The following HPSE2 variants were observed in gnomAD, a reference collection of about 807,000 sequenced individuals.
HPSE2 encodes heparanase 2 (inactive), also known as inactive heparanase-2.
In HPSE2, 38 loss-of-function variants were observed where a neutral mutation model predicts 60.5. That is an observed-to-expected ratio of 0.63 (90% CI 0.48 to 0.82). The LOEUF is 0.82. Among genes scored for constraint, HPSE2 ranks in the 40% least tolerant of loss-of-function variants. The pLI is 0.00. For synonymous variants in HPSE2, 295 were observed against 293.2 expected, an observed-to-expected ratio of 1.01 and a Z score of -0.06; for missense variants, 713 against 740.4, an observed-to-expected ratio of 0.96 and a Z score of 0.43.
chr10:99,181,448 A>C (rs1160708296), intron 2 of HPSE2, among the ~76,000 whole-genome samples: 1 of 150,920 alleles, frequency 6.6e-6, no homozygotes, highest in African/African-American at 2.4e-5. Context: ...TGTTTATGGC[A>C]CTGTCCACAA....
At chr10:99,026,266 A>C (rs1957375060) in intron 3 of HPSE2, among the ~76,000 whole-genome samples, 2 of 152,178 alleles carry the variant, frequency 1.3e-5, no homozygotes, top group African/African-American at 4.8e-5. Flanking sequence ...TTGACTAAAA[A>C]TAAAGGGATG....
intron 2 of HPSE2, among the ~76,000 whole-genome samples, chr10:99,213,119 T>C (rs1441362122): frequency 6.6e-6 from 1 of 152,088 alleles, no homozygotes; most frequent in Admixed American, 6.6e-5. Flanking sequence ...TCAAAAAAGC[T>C]TCATTATACT....
chr10:98,843,061 A>G (rs1383224577), intron 3 of HPSE2, among the ~76,000 whole-genome samples: 1 of 152,050 alleles, frequency 6.6e-6, no homozygotes, highest in African/African-American at 2.4e-5. Context: ...TTCTAAGTTC[A>G]GGGGTACATA....
chr10:99,244,909 A>T, the HPSE2 span, among the ~76,000 whole-genome samples: 1 of 151,928 alleles, frequency 6.6e-6, no homozygotes, highest in Admixed American at 6.6e-5. Flanking sequence ...TTTTGTCCCC[A>T]CATAAGCAGA....
intron 3 of HPSE2, among the ~76,000 whole-genome samples, chr10:98,939,436 G>GTC (rs1338739855): frequency 1.4e-5 from 2 of 143,180 alleles, no homozygotes. Flanking sequence ...TGCAATCCTA[G>GTC]TCTCTCATAA....
At chr10:98,635,845 A>G (rs1393716897) in intron 7 of HPSE2, among the ~76,000 whole-genome samples, 1 of 152,024 alleles carries the variant, frequency 6.6e-6, no homozygotes, top group Non-Finnish European at 1.5e-5. Flanking sequence ...CTATTGAGCC[A>G]TAAAAAAAGA....
At chr10:99,060,614 G>A (rs529138972) in intron 3 of HPSE2, among the ~76,000 whole-genome samples, 64 of 144,118 alleles carry the variant, frequency 4.4e-4, no homozygotes, top group African/African-American at 1.6e-3. Flanking sequence ...GCTGAGATTG[G>A]GCCATTGCGC....
chr10:98,650,078 T>G (rs1040707764), intron 6 of HPSE2, among the ~76,000 whole-genome samples: 1 of 152,212 alleles, frequency 6.6e-6, no homozygotes, highest in Admixed American at 6.5e-5. Flanking sequence ...GGCAGGGGAA[T>G]GCCAAAACGA....
At chr10:99,054,336 G>C (rs1175820309) in intron 3 of HPSE2, among the ~76,000 whole-genome samples, 1 of 152,158 alleles carries the variant, frequency 6.6e-6, no homozygotes, top group African/African-American at 2.4e-5. Flanking sequence ...TATCAGAACA[G>C]AGCGATCTTG....
At chr10:99,163,201 A>G (rs950246248) in intron 2 of HPSE2, among the ~76,000 whole-genome samples, 7 of 100,466 alleles carry the variant, frequency 7.0e-5, no homozygotes, top group Admixed American at 6.5e-4. Flanking sequence ...ACAGGGCAAG[A>G]CTCCATCTCA....
chr10:98,509,497 CT>C lies in HPSE2; in HGVS notation c.1321-19302del, dbSNP rs562628127. The stretch of plus-strand genomic sequence containing the variant: ...AATGAGCATAAAACAGGATTCATAG[CT>C]TTTTTTTTGCTTTCTTTTTTTGAGA... On this transcript the variant is annotated intron_variant, in intron 9 of 11. Transcript: ENST00000370552. Among the ~76,000 whole-genome samples the C allele has an allele frequency of 3.0e-3, 453 of 150,450 alleles. 2 individuals carry two copies. The highest frequency in any genetic ancestry group is 9.4e-3 in the African/African-American group (385 of 41,074).
intron 3 of HPSE2, among the ~76,000 whole-genome samples, chr10:98,899,002 C>T (rs1441692650): frequency 8.5e-5 from 13 of 152,152 alleles, no homozygotes; most frequent in Admixed American, 8.5e-4. Context: ...GGATAATACA[C>T]CTAAATGCAA....
At chr10:98,931,602 C>T (rs990964024) in intron 3 of HPSE2, among the ~76,000 whole-genome samples, 8 of 143,864 alleles carry the variant, frequency 5.6e-5, no homozygotes, top group East Asian at 2.0e-4. Context: ...TCCAGGAGCA[C>T]GGAATGTTTT....
At chr10:98,852,246 T>G (rs1385073190) in intron 3 of HPSE2, among the ~76,000 whole-genome samples, 1 of 150,684 alleles carries the variant, frequency 6.6e-6, no homozygotes, top group African/African-American at 2.4e-5. Context: ...ACTTTAGGTC[T>G]CAGAAAACAG....
chr10:99,111,788 G>A (rs1036942350), intron 3 of HPSE2, among the ~76,000 whole-genome samples: 1 of 152,166 alleles, frequency 6.6e-6, no homozygotes, highest in African/African-American at 2.4e-5. Flanking sequence ...TTTAGTGTAA[G>A]AGTAGGAAAC....
intron 3 of HPSE2, among the ~76,000 whole-genome samples, chr10:98,881,727 GAGA>G (rs1564630548): frequency 6.6e-6 from 1 of 152,058 alleles, no homozygotes; most frequent in Non-Finnish European, 1.5e-5. Context: ...AATCAAAATG[GAGA>G]AGAACCCGAA....
intron 11 of HPSE2, among the ~76,000 whole-genome samples, chr10:98,461,085 T>G (rs752278196): frequency 3.9e-5 from 6 of 152,370 alleles, no homozygotes; most frequent in Middle Eastern, 3.4e-3. Context: ...GAGAATAGAA[T>G]GTTATAAATT....
chr10:98,750,646 G>T (rs777884643), intron 3 of HPSE2, among the ~76,000 whole-genome samples: 1 of 152,038 alleles, frequency 6.6e-6, no homozygotes, highest in African/African-American at 2.4e-5. Context: ...ATTGGAATGT[G>T]GTGTGTGAGA....
At chr10:98,818,701 C>T (rs1263005841) in intron 3 of HPSE2, among the ~76,000 whole-genome samples, 1 of 152,132 alleles carries the variant, frequency 6.6e-6, no homozygotes, top group East Asian at 1.9e-4. Flanking sequence ...CAGGCCTGCA[C>T]CCAAAAGAAA....
Sources: gnomAD v4.1 joint callset for allele counts (sites outside exome capture counted in the v4.1 genomes callset) on GRCh38, gnomAD v4.1.1 for gene constraint, MANE v1.5 for transcripts, NCBI Gene and HGNC (gene_info 2026-07-23, HGNC 2026-07-21) for gene names.